The following PPP4C variants were observed in gnomAD, a reference collection of about 807,000 sequenced individuals.
PPP4C encodes protein phosphatase 4 catalytic subunit.
In PPP4C, 10 loss-of-function variants were observed where a neutral mutation model predicts 40.5. The observed-to-expected ratio is 0.25, with a 90% CI of 0.15 to 0.42. The LOEUF (loss-of-function observed/expected upper bound fraction) is 0.42. Among genes scored for constraint, PPP4C ranks in the 10% least tolerant of loss-of-function variants. The pLI, the probability that PPP4C is intolerant of heterozygous loss-of-function variation, is 1.00. For missense variants in PPP4C, 191 were observed against 416.4 expected (o/e 0.46, Z 4.71); for synonymous variants, 187 against 163.6 (o/e 1.14, Z -1.09).
chr16:30,076,362 G>C lies in PPP4C; in HGVS notation c.-16G>C. ...GGGGCGGCGGCCCCGACTCTGACCC[G>C]CGCCGGGGGTGGGCCATGGCGGAGA... is the stretch of plus-strand genomic sequence containing the variant. On this transcript the variant is annotated 5_prime_UTR_variant, in exon 2 of 9. Coordinates refer to ENST00000279387, the MANE Select transcript of PPP4C (RefSeq NM_002720.3). 1 of 1,611,676 alleles carries C rather than the reference G, an allele frequency of 6.2e-7. No homozygotes were observed. Among genetic ancestry groups the C allele is most frequent in the Non-Finnish European group, 8.5e-7 (1 of 1,179,180 alleles).
chr16:30,080,909 ACTTAAGC>A (rs2072493447), intron 2 of PPP4C, among the ~76,000 whole-genome samples: 1 of 152,140 alleles, frequency 6.6e-6, no homozygotes. Context: ...GCCAAGGGTG[ACTTAAGC>A]TCTGCTGTGG....
chr16:30,082,379 G>GC, intron 3 of PPP4C, 105 bp from the exon 4 acceptor site: 1 of 1,240,120 alleles, frequency 8.1e-7, no homozygotes, highest in Non-Finnish European at 1.2e-6. Flanking sequence ...GGAAGTAGAA[G>GC]TGCAGCCAAG....
chr16:30,082,339 T>C, intron 3 of PPP4C, 145 bp from the exon 4 acceptor site: 2 of 790,178 alleles, frequency 2.5e-6, no homozygotes, highest in Non-Finnish European at 4.4e-6. Context: ...CCAGACTGAC[T>C]TGGGGTGGGA....
In PPP4C at chr16:30,082,801, G is replaced by A; in HGVS notation, c.257G>A (p.Arg86His). ...CTCTTCATGGGGGACTTTGTGGACC[G>A]TGGCTTCTATAGCGTCGAAACGTTC... ...NYLFMGDFVD[R>H]GFYSVETFLL... is the part of the protein sequence containing the mutation. The change falls in exon 5 of 9, where the codon CGT becomes CAT. Residue 86 changes from arginine to histidine, a missense_variant. Around this residue, in one of 3 missense-constraint regions of PPP4C, gnomAD observed 171 missense variants for 352.4 expected, o/e 0.49. Transcript: ENST00000279387. 2 of 1,614,104 alleles carry A rather than the reference G, an allele frequency of 1.2e-6. No individual in the cohort carries two copies. Among genetic ancestry groups the A allele is most frequent in the Non-Finnish European group, 1.7e-6 (2 of 1,180,014 alleles).
chr16:30,083,873 C>A lies in PPP4C; in HGVS notation c.604+92C>A. ...CTGGTCTTCACTGTCACTCGTCCTC[C>A]ACCTGCCAAATGGCTGGAACCCTGG... On this transcript the variant is annotated intron_variant, in intron 7 of 8. Coordinates refer to ENST00000279387, the MANE Select transcript of PPP4C (RefSeq NM_002720.3). The surrounding 1 kb of genome is among the most constrained non-coding windows in gnomAD (Gnocchi z 6.3). 6.4e-7 allele frequency: 1 copy of A among 1,553,214 alleles called. No individual in the cohort carries two copies. Among genetic ancestry groups the A allele is most frequent in the Non-Finnish European group, 8.7e-7 (1 of 1,142,946 alleles).
Position 30,083,526 on chromosome 16 carries a change from A to G in PPP4C, c.436A>G (p.Ile146Val). The G allele has an allele frequency of 6.2e-7, 1 of 1,614,076 alleles. No homozygotes were observed. The highest frequency in any genetic ancestry group is 8.5e-7 in the Non-Finnish European group (1 of 1,180,000). ...SVTVWRYCTE[I>V]FDYLSLSAII... ...GACTGTGTGGCGCTACTGCACTGAGATCTTTGACTACCTCAGCCTGTCAGC... is the reference window on the plus strand; with the variant it reads ...GACTGTGTGGCGCTACTGCACTGAGGTCTTTGACTACCTCAGCCTGTCAGC... The change falls in exon 6 of 9, where the codon ATC becomes GTC. Residue 146 changes from isoleucine to valine, a missense_variant. By Grantham distance (29) the Ile-to-Val change is conservative (BLOSUM62 3). This residue lies in a region of PPP4C where 171 missense variants were observed against 352.4 expected (regional missense o/e 0.49). Transcript: ENST00000279387. This position sits in a 1 kb window ranked among gnomAD's most constrained non-coding sequence, Gnocchi z 6.3.
rs747932058 is a variant in PPP4C at position 30,084,741 on chromosome 16, C to T, written c.680C>T (p.Ala227Val). The T allele has an allele frequency of 6.2e-7, 1 of 1,614,252 alleles. No homozygotes were observed. Among genetic ancestry groups the T allele is most frequent in the South Asian group, 1.1e-5 (1 of 91,088 alleles). ...FGSDVVAQFN[A>V]ANDIDMICRA... ...AGTGACGTGGTGGCCCAGTTCAACG[C>T]AGCCAATGACATTGACATGATCTGC... is the stretch of plus-strand genomic sequence containing the variant. The change falls in exon 8 of 9, where the codon GCA becomes GTA. Residue 227 changes from alanine to valine, a missense_variant. By Grantham distance (64) the Ala-to-Val change is moderately conservative. Transcript: ENST00000279387.
chr16:30,081,071 C>T, intron 2 of PPP4C, 188 bp from the exon 3 acceptor site: 1 of 698,402 alleles, frequency 1.4e-6, no homozygotes, highest in South Asian at 1.6e-5. Context: ...CTTTTGGCAG[C>T]AGGGGGCCAC....
chr16:30,080,826 C>T (rs1053205797), intron 2 of PPP4C, among the ~76,000 whole-genome samples: 7 of 152,102 alleles, frequency 4.6e-5, no homozygotes, highest in African/African-American at 9.7e-5. Flanking sequence ...ACTTTGAAGG[C>T]GCATCCACTG....
At chr16:30,082,568 G>C in intron 4 of PPP4C, 34 bp downstream of exon 4, 1 of 1,603,258 alleles carries the variant, frequency 6.2e-7, no homozygotes, top group Non-Finnish European at 8.5e-7. Flanking sequence ...AAATGTAACG[G>C]GGGGATGACT....
rs144380562 is a variant in PPP4C, at chr16:30,083,607, G to T, written c.477+40G>T. 2.6e-3 allele frequency: 4,224 copies of T among 1,613,756 alleles called. 12 individuals are homozygous for T. Among genetic ancestry groups the T allele is most frequent in the Non-Finnish European group, 3.3e-3 (3,840 of 1,179,770 alleles). On this transcript the variant is annotated intron_variant, in intron 6 of 8. Coordinates refer to ENST00000279387, the MANE Select transcript of PPP4C (RefSeq NM_002720.3). This position sits in a 1 kb window ranked among gnomAD's most constrained non-coding sequence, Gnocchi z 6.3. ...GGCTCCATGGGACAGGGAGAGGAGGGGGGCTTCAGGCCTCAGCCCCGTCCT... is the reference window on the plus strand; with the variant it reads ...GGCTCCATGGGACAGGGAGAGGAGGTGGGCTTCAGGCCTCAGCCCCGTCCT...
intron 2 of PPP4C, among the ~76,000 whole-genome samples, chr16:30,076,809 G>T (rs888311774): frequency 1.3e-5 from 2 of 152,190 alleles, no homozygotes; most frequent in Non-Finnish European, 2.9e-5. Flanking sequence ...TAAGGAGGTG[G>T]TAAAAGAGTC....
chr16:30,082,990 G>A, intron 5 of PPP4C, 143 bp downstream of exon 5: 2 of 734,868 alleles, frequency 2.7e-6, no homozygotes, highest in Non-Finnish European at 4.4e-6. Context: ...GCTTTTGGGG[G>A]TGGTCAGAGA....
intron 2 of PPP4C, among the ~76,000 whole-genome samples, chr16:30,078,845 G>A (rs1596829777): frequency 6.6e-6 from 1 of 152,352 alleles, no homozygotes; most frequent in East Asian, 1.9e-4. Context: ...ATAATGACAT[G>A]CAGTTGAGAG....
chr16:30,084,399 T>C (rs571858904), intron 7 of PPP4C, among the ~76,000 whole-genome samples: 4 of 152,346 alleles, frequency 2.6e-5, no homozygotes, highest in Admixed American at 6.5e-5. Context: ...TTCACTCTTA[T>C]GTGCTGTTTG....
chr16:30,080,274 G>A (rs2072478628), intron 2 of PPP4C, among the ~76,000 whole-genome samples: 1 of 148,250 alleles, frequency 6.7e-6, no homozygotes, highest in Non-Finnish European at 1.5e-5. Context: ...GACCCAGGAA[G>A]CAGAGGTTTG....
chr16:30,081,301 G>A lies in PPP4C; in HGVS notation c.141G>A (p.Ser47=), dbSNP rs145133317. 8 of 1,613,188 alleles carry A rather than the reference G, an allele frequency of 5.0e-6. No individual in the cohort carries two copies. The highest frequency in any genetic ancestry group is 1.7e-5 in the Admixed American group (1 of 59,982). The change falls in exon 3 of 9, where the codon TCG becomes TCA. Residue 47 remains serine (S), a synonymous_variant. Transcript: ENST00000279387. The part of the protein sequence containing the change: ...VEESNVQRVD[S]PVTVCGDIHG... ...AGAGCAACGTGCAGAGGGTGGACTCGCCAGTCACAGTGAGTACCTGCTGTC... is the reference window on the plus strand; with the variant it reads ...AGAGCAACGTGCAGAGGGTGGACTCACCAGTCACAGTGAGTACCTGCTGTC...
intron 3 of PPP4C, among the ~76,000 whole-genome samples, chr16:30,082,011 C>T (rs1242620930): frequency 1.3e-5 from 2 of 149,742 alleles, no homozygotes; most frequent in African/African-American, 2.5e-5. Flanking sequence ...GCCGAGATCG[C>T]GCCACCGCAC....
At position 30,083,866 on chromosome 16, in the gene PPP4C, C is replaced by T. The variant is rs756364683; in HGVS notation, c.604+85C>T. Reference sequence around the variant, plus strand: ...AGCAGGGCTGGTCTTCACTGTCACTCGTCCTCCACCTGCCAAATGGCTGGA... The same window carrying T: ...AGCAGGGCTGGTCTTCACTGTCACTTGTCCTCCACCTGCCAAATGGCTGGA... On this transcript the variant is annotated intron_variant, in intron 7 of 8. Transcript: ENST00000279387. This position sits in a 1 kb window ranked among gnomAD's most constrained non-coding sequence, Gnocchi z 6.3. 27 of 1,561,946 alleles carry T rather than the reference C, an allele frequency of 1.7e-5. No homozygotes were observed. Among genetic ancestry groups the T allele is most frequent in the East Asian group, 4.5e-5 (2 of 44,354 alleles).
Sources: gnomAD v4.1 joint callset for allele counts (sites outside exome capture counted in the v4.1 genomes callset) on GRCh38, gnomAD v4.1.1 for gene constraint, gnomAD v4.1.1 regional missense constraint, Gnocchi (gnomAD v3.1) non-coding constraint, MANE v1.5 for transcripts, NCBI Gene and HGNC (gene_info 2026-07-23, HGNC 2026-07-21) for gene names.